Variants in BMERB1 observed in about 807,000 individuals in gnomAD.
BMERB1 encodes bMERB domain containing 1.
Under a neutral mutation model 23.6 loss-of-function variants are expected in BMERB1, and 12 were observed. That is an observed-to-expected ratio of 0.51 (90% CI 0.33 to 0.82). The LOEUF (loss-of-function observed/expected upper bound fraction) is 0.82. BMERB1 is among the 40% of genes least tolerant of loss of function. The pLI, the probability that BMERB1 is intolerant of heterozygous loss-of-function variation, is 0.03. For missense variants in BMERB1, 247 were observed against 255.4 expected, an observed-to-expected ratio of 0.97 and a Z score of 0.22; for synonymous variants, 122 against 96.6, an observed-to-expected ratio of 1.26 and a Z score of -1.54.
chr16:15,452,331 G>GGAGAGAGGGAGGGAGAGAGGGAGGGA (rs532543517), intron 1 of BMERB1, among the ~76,000 whole-genome samples: 1 of 132,880 alleles, frequency 7.5e-6, no homozygotes, highest in Non-Finnish European at 1.6e-5. Context: ...AGGGAGGGAG[G>GGAGAGAGGGAGGGAGAGAGGGAGGGA]GAGAGAGAGA....
chr16:15,565,582 C>T (rs1162683655), intron 2 of BMERB1, among the ~76,000 whole-genome samples: 2 of 152,202 alleles, frequency 1.3e-5, no homozygotes, highest in African/African-American at 4.8e-5. Context: ...GGTACAGTGG[C>T]TCACGCCTGT....
intron 2 of BMERB1, among the ~76,000 whole-genome samples, chr16:15,565,335 T>A (rs1372903962): frequency 6.6e-6 from 1 of 152,196 alleles, no homozygotes; most frequent in African/African-American, 2.4e-5. Context: ...TGTCCTCTGG[T>A]TTTTCCTAGG....
intron 1 of BMERB1, among the ~76,000 whole-genome samples, chr16:15,509,708 C>G (rs1193898811): frequency 6.6e-6 from 1 of 152,168 alleles, no homozygotes; most frequent in Non-Finnish European, 1.5e-5. Context: ...AGGCTGTGCT[C>G]TGTGTGCAGG....
chr16:15,517,735 C>CGTGTGTGTGGATGTGGGTGTGCGGAT (rs1567480178), intron 2 of BMERB1, among the ~76,000 whole-genome samples: 6 of 151,724 alleles, frequency 4.0e-5, no homozygotes, highest in African/African-American at 1.5e-4. Flanking sequence ...ACTGTGTGCG[C>CGTGTGTGTGGATGTGGGTGTGCGGAT]GTGTGTGTGG....
intron 1 of BMERB1, among the ~76,000 whole-genome samples, chr16:15,476,496 G>C (rs2051276112): frequency 6.6e-6 from 1 of 152,206 alleles, no homozygotes; most frequent in Admixed American, 6.5e-5. Flanking sequence ...TGCCAGGTGG[G>C]TGTGGAGGTT....
chr16:15,471,426 G>A (rs754813829), intron 1 of BMERB1, among the ~76,000 whole-genome samples: 22 of 152,106 alleles, frequency 1.4e-4, no homozygotes, highest in South Asian at 6.2e-4. Flanking sequence ...TTTCTAATTC[G>A]TCTTGGATGA....
chr16:15,548,360 A>G (rs1298409604), intron 2 of BMERB1, among the ~76,000 whole-genome samples: 1 of 152,132 alleles, frequency 6.6e-6, no homozygotes, highest in Non-Finnish European at 1.5e-5. Context: ...CTTTTCCCCA[A>G]ATAATACTCA....
At chr16:15,528,316 G>A (rs1164280606) in intron 2 of BMERB1, among the ~76,000 whole-genome samples, 1 of 152,004 alleles carries the variant, frequency 6.6e-6, no homozygotes. Flanking sequence ...GGGCAAAAAG[G>A]ACTGAACTTG....
chr16:15,509,746 T>C (rs989673826), intron 1 of BMERB1, among the ~76,000 whole-genome samples: 1 of 147,238 alleles, frequency 6.8e-6, no homozygotes, highest in Admixed American at 6.6e-5. Flanking sequence ...AGAGTGACAT[T>C]GTTGTCAGGA....
In BMERB1 at chr16:15,575,567, G is replaced by C. The variant is rs562426728; in HGVS notation, c.305-5650G>C. ...CCAGGTTCTTGGTGTTTTGAACAAA[G>C]AATTGGACAAAATGCACACACAAAC... On this transcript the variant is annotated intron_variant, in intron 3 of 5. Coordinates refer to ENST00000300006, the MANE Select transcript of BMERB1 (RefSeq NM_033201.3). 4.9e-4 allele frequency among the ~76,000 whole-genome samples: 74 copies of C among 152,242 alleles called. No individual in the cohort carries two copies. In the East Asian group the frequency reaches 5.6e-3, roughly 12 times the overall value.
At chr16:15,442,335 A>G (rs78453937) in intron 1 of BMERB1, among the ~76,000 whole-genome samples, 3 of 151,860 alleles carry the variant, frequency 2.0e-5, no homozygotes, top group African/African-American at 7.3e-5. Context: ...GTCTCAAGAA[A>G]AAAAAAAAAA....
intron 3 of BMERB1, among the ~76,000 whole-genome samples, chr16:15,568,679 CGAT>C (rs944635896): frequency 6.6e-6 from 1 of 152,032 alleles, no homozygotes; most frequent in African/African-American, 2.4e-5. Context: ...TCATAAAAAT[CGAT>C]GAGATGATGC....
At chr16:15,569,157 A>G (rs1043836608) in intron 3 of BMERB1, among the ~76,000 whole-genome samples, 1 of 152,154 alleles carries the variant, frequency 6.6e-6, no homozygotes, top group African/African-American at 2.4e-5. Context: ...TGGAGGTTGC[A>G]GTGAGGTGAG....
At chr16:15,583,332 C>CT in intron 5 of BMERB1, 94 bp downstream of exon 5, 3 of 1,010,180 alleles carry the variant, frequency 3.0e-6, no homozygotes, top group Non-Finnish European at 4.7e-6. Context: ...AATCCCAGCA[C>CT]TATGAGAGGC....
intron 1 of BMERB1, among the ~76,000 whole-genome samples, chr16:15,493,583 C>G (rs2150939992): frequency 6.6e-6 from 1 of 151,540 alleles, no homozygotes; most frequent in Admixed American, 6.6e-5. Context: ...TCCAGATTTG[C>G]TTCCTTCCTT....
At chr16:15,466,337 A>G (rs750485567) in intron 1 of BMERB1, among the ~76,000 whole-genome samples, 9 of 152,112 alleles carry the variant, frequency 5.9e-5, no homozygotes, top group East Asian at 1.9e-4. Flanking sequence ...CTGATTTCCA[A>G]TGAGGTTAGA....
At position 15,532,287 on chromosome 16, in the gene BMERB1, A is replaced by G. The variant is rs533395645; in HGVS notation, c.230+16859A>G. 2.5e-4 allele frequency among the ~76,000 whole-genome samples: 38 copies of G among 152,018 alleles called. No individual in the cohort carries two copies. In the East Asian group the frequency reaches 6.8e-3, roughly 27 times the overall value. On this transcript the variant is annotated intron_variant, in intron 2 of 5. Transcript: ENST00000300006. ...CACTCTGTCACCTGGGCTGGAATGC[A>G]GTGGCTTGATCTTGGCTCACTGCAA...
At chr16:15,532,950 T>A (rs1156338863) in intron 2 of BMERB1, 1 of 453,188 alleles carries the variant, frequency 2.2e-6, no homozygotes, top group Non-Finnish European at 4.4e-6. Flanking sequence ...CGGATTAAAT[T>A]ACACCTAGAT....
At chr16:15,578,593 G>A (rs1037456304) in intron 3 of BMERB1, among the ~76,000 whole-genome samples, 5 of 152,078 alleles carry the variant, frequency 3.3e-5, no homozygotes, top group Admixed American at 6.5e-5. Context: ...GCTCTAGACC[G>A]GGGGCTTGTA....
Sources: allele counts gnomAD v4.1 joint callset (sites outside exome capture counted in the v4.1 genomes callset), GRCh38; gene constraint gnomAD v4.1.1; transcripts MANE v1.5; gene names NCBI Gene and HGNC (gene_info 2026-07-23, HGNC 2026-07-21).